The following MYO5B variants were observed in gnomAD, a reference collection of about 807,000 sequenced individuals.
The protein encoded by MYO5B is myosin VB, also known as unconventional myosin-Vb.
Under a neutral mutation model 229.3 loss-of-function variants are expected in MYO5B, and 143 were observed. The ratio of observed to expected loss-of-function variants is 0.62; its 90% CI spans 0.54 to 0.72. The LOEUF is 0.72. Ranked by LOEUF, MYO5B falls within the 30% of genes least tolerant of loss-of-function variation. The probability of loss-of-function intolerance (pLI) is 0.00; values close to 1 mark genes in which losing one functional copy is unlikely to be tolerated. For missense variants in MYO5B, 2,321 were observed against 2,331.0 expected, an observed-to-expected ratio of 1.00 and a Z score of 0.09; for synonymous variants, 918 against 885.2, an observed-to-expected ratio of 1.04 and a Z score of -0.66.
At chr18:50,054,732 T>C (rs2030498135) in intron 2 of MYO5B, among the ~76,000 whole-genome samples, 1 of 152,232 alleles carries the variant, frequency 6.6e-6, no homozygotes, top group African/African-American at 2.4e-5. Flanking sequence ...AGGGAGCACT[T>C]ATGTGCCAGG....
chr18:49,929,637 A>G (rs1231724048), intron 16 of MYO5B, 39 bp from the exon 17 acceptor site: 4 of 1,523,922 alleles, frequency 2.6e-6, no homozygotes, highest in Non-Finnish European at 1.8e-6. Flanking sequence ...GCAAGACAAG[A>G]GATGAGTGGC....
chr18:50,090,291 C>A (rs909896586), intron 1 of MYO5B, among the ~76,000 whole-genome samples: 1 of 144,320 alleles, frequency 6.9e-6, no homozygotes, highest in African/African-American at 2.6e-5. Flanking sequence ...TGCAGTGAAC[C>A]AAGATCATGC....
In MYO5B at chr18:49,837,499, G is replaced by C. The variant is rs541407556; in HGVS notation, c.5138+18C>G. ...GGGCCCACTCTATCTGTGTTGTTGG[G>C]GGGTGCTCCTCCCTTACCTGAGTTG... On this transcript the variant is annotated intron_variant, in intron 37 of 39. Transcript: ENST00000285039. The C allele has an allele frequency of 1.2e-4, 201 of 1,613,458 alleles. 3 individuals carry two copies. In the South Asian group the frequency reaches 2.1e-3, roughly 17 times the overall value.
chr18:50,071,020 C>T lies in MYO5B; in HGVS notation c.28-15642G>A, dbSNP rs538394192. Among the ~76,000 whole-genome samples the T allele has an allele frequency of 5.9e-5, 9 of 152,234 alleles. No homozygotes were observed. In the East Asian group the frequency reaches 1.4e-3, roughly 23 times the overall value. On this transcript the variant is annotated intron_variant, in intron 1 of 39. Transcript: ENST00000285039. ...TGTATTGTTTGTAGAGATGAAGTCC[C>T]GCTATGTTGCCTAGGCTGGTATCAA...
At chr18:50,119,283 G>T (rs2032019656) in intron 1 of MYO5B, among the ~76,000 whole-genome samples, 1 of 152,130 alleles carries the variant, frequency 6.6e-6, no homozygotes, top group Non-Finnish European at 1.5e-5. Context: ...CATTTATATT[G>T]ATTTTAAACA....
rs759441298 is a variant in MYO5B at position 49,974,492 on chromosome 18, G to A, written c.1180C>T (p.Leu394=). ...TSETYVKTMS[L]QQVINARNAL... ...TTGCGCGCATTGATCACCTGCTGCA[G>A]GGACATGGTCTTGACGTAGGTCTCC... Residue 394 remains leucine, a synonymous_variant, in exon 10 of 40, where the codon CTG becomes TTG. Coordinates refer to ENST00000285039, the MANE Select transcript of MYO5B (RefSeq NM_001080467.3). The A allele has an allele frequency of 4.3e-6, 7 of 1,614,198 alleles. No individual in the cohort carries two copies. The East Asian group carries it at 8.9e-5, about 21-fold the overall frequency.
intron 3 of MYO5B, among the ~76,000 whole-genome samples, chr18:50,037,662 T>C (rs2029886480): frequency 6.6e-6 from 1 of 152,144 alleles, no homozygotes; most frequent in Non-Finnish European, 1.5e-5. Flanking sequence ...CACTTTGGGA[T>C]GCTGAGGCAG....
chr18:49,950,569 G>T (rs923460467), intron 14 of MYO5B, among the ~76,000 whole-genome samples: 1 of 152,098 alleles, frequency 6.6e-6, no homozygotes, highest in Non-Finnish European at 1.5e-5. Context: ...CGTGTGGAAA[G>T]ACAACCAAGA....
chr18:49,926,780 T>C (rs1294311851), intron 17 of MYO5B, among the ~76,000 whole-genome samples: 2 of 152,208 alleles, frequency 1.3e-5, no homozygotes, highest in Non-Finnish European at 2.9e-5. Context: ...AAGGAGTCTA[T>C]TGAGGAATGA....
At chr18:49,856,231 G>A (rs1394404807) in intron 30 of MYO5B, among the ~76,000 whole-genome samples, 1 of 152,214 alleles carries the variant, frequency 6.6e-6, no homozygotes, top group African/African-American at 2.4e-5. Context: ...CCGGGCTTCA[G>A]TGTCCCCACC....
intron 36 of MYO5B, among the ~76,000 whole-genome samples, chr18:49,838,366 G>T (rs541840952): frequency 1.3e-4 from 20 of 152,304 alleles, no homozygotes; most frequent in African/African-American, 4.3e-4. Flanking sequence ...CTCCAGAACT[G>T]CTGCTATTAA....
intron 14 of MYO5B, among the ~76,000 whole-genome samples, chr18:49,952,476 TCA>T (rs1011413893): frequency 2.6e-5 from 4 of 151,996 alleles, no homozygotes; most frequent in African/African-American, 9.7e-5. Flanking sequence ...TTCTCTCCTT[TCA>T]CAGTTACCTG....
chr18:50,041,869 C>A (rs2030026114), intron 2 of MYO5B, among the ~76,000 whole-genome samples: 1 of 152,126 alleles, frequency 6.6e-6, no homozygotes, highest in Non-Finnish European at 1.5e-5. Flanking sequence ...GATTCTTCAT[C>A]ATACAATGGA....
At chr18:49,836,600 A>G in intron 38 of MYO5B, 111 bp downstream of exon 38, 1 of 1,275,398 alleles carries the variant, frequency 7.8e-7, no homozygotes, top group Non-Finnish European at 1.1e-6. Context: ...TTAGGGGTAT[A>G]TAAAGGGTGG....
At chr18:49,899,620 G>C (rs546213585) in intron 21 of MYO5B, among the ~76,000 whole-genome samples, 2 of 152,312 alleles carry the variant, frequency 1.3e-5, no homozygotes, top group South Asian at 4.1e-4. Flanking sequence ...CTACTTACTA[G>C]CTGTGTGACC....
chr18:49,893,750 G>A (rs1217100494), intron 22 of MYO5B, among the ~76,000 whole-genome samples: 2 of 152,232 alleles, frequency 1.3e-5, no homozygotes, highest in Admixed American at 6.5e-5. Context: ...TGAGGCCCGA[G>A]GTGGGAAGAA....
At chr18:50,089,306 A>G (rs2031396716) in intron 1 of MYO5B, among the ~76,000 whole-genome samples, 1 of 152,118 alleles carries the variant, frequency 6.6e-6, no homozygotes, top group Non-Finnish European at 1.5e-5. Context: ...TGAACCCAGA[A>G]GGCGGAGGTT....
At chr18:50,067,637 T>C (rs1000218154) in intron 1 of MYO5B, among the ~76,000 whole-genome samples, 2 of 152,172 alleles carry the variant, frequency 1.3e-5, no homozygotes, top group Non-Finnish European at 2.9e-5. Flanking sequence ...TGAGAGCCCA[T>C]TGTTAAAAAG....
At chr18:50,039,730 G>A (rs1264308314) in intron 3 of MYO5B, among the ~76,000 whole-genome samples, 2 of 152,214 alleles carry the variant, frequency 1.3e-5, no homozygotes, top group African/African-American at 4.8e-5. Flanking sequence ...TGGGTATTAT[G>A]TCAGTACAAA....
Sources: gnomAD v4.1 joint callset for allele counts (sites outside exome capture counted in the v4.1 genomes callset) on GRCh38, gnomAD v4.1.1 for gene constraint, MANE v1.5 for transcripts, NCBI Gene and HGNC (gene_info 2026-07-23, HGNC 2026-07-21) for gene names.